The following CTNNA2 variants were observed in gnomAD, a reference collection of about 807,000 sequenced individuals.
The protein encoded by CTNNA2 is catenin alpha 2, also known as catenin alpha-2.
CTNNA2 carries 42 observed loss-of-function variants against 101.0 expected under a neutral mutation model. The observed-to-expected ratio is 0.42, with a 90% CI of 0.32 to 0.54. The LOEUF is 0.54. Ranked by LOEUF, CTNNA2 falls within the 20% of genes least tolerant of loss-of-function variation. CTNNA2 has a pLI of 0.14. For missense variants in CTNNA2, 871 were observed against 1,223.1 expected, an observed-to-expected ratio of 0.71 and a Z score of 4.29; for synonymous variants, 450 against 456.4, an observed-to-expected ratio of 0.99 and a Z score of 0.18.
chr2:80,311,757 A>G lies in CTNNA2; in HGVS notation c.1057-81454A>G, dbSNP rs536065576. Reference sequence around the variant, plus strand: ...CTGTTTCACTCTCATAAGAAATCTCAGTCTCACAATCTCAGTTGTAAGAAA... The same window carrying G: ...CTGTTTCACTCTCATAAGAAATCTCGGTCTCACAATCTCAGTTGTAAGAAA... On this transcript the variant is annotated intron_variant, in intron 7 of 18. Coordinates refer to ENST00000402739, the MANE Select transcript of CTNNA2 (RefSeq NM_001282597.3). Among the ~76,000 whole-genome samples, 4 of 152,392 alleles carry G rather than the reference A, an allele frequency of 2.6e-5. No individual in the cohort carries two copies. The South Asian group carries it at 8.3e-4, about 32-fold the overall frequency.
At chr2:79,626,652 TG>T (rs34583965) in intron 1 of CTNNA2, among the ~76,000 whole-genome samples, 4 of 147,480 alleles carry the variant, frequency 2.7e-5, no homozygotes, top group Non-Finnish European at 4.5e-5. Context: ...TGTGTGTGTG[TG>T]TGTCGAGTCC....
At chr2:80,175,427 A>G (rs575845656) in intron 7 of CTNNA2, among the ~76,000 whole-genome samples, 1 of 152,306 alleles carries the variant, frequency 6.6e-6, no homozygotes, top group Admixed American at 6.5e-5. Context: ...GTCTAGCCCA[A>G]TGCCTTTTAT....
At chr2:80,378,662 A>C (rs934820089) in intron 7 of CTNNA2, 37 of 152,202 alleles carry the variant, frequency 2.4e-4, no homozygotes, top group African/African-American at 8.7e-4. Context: ...AATTAGAAGC[A>C]ACAATAGTTC....
intron 7 of CTNNA2, among the ~76,000 whole-genome samples, chr2:80,230,218 C>A (rs1269088868): frequency 6.6e-6 from 1 of 150,482 alleles, no homozygotes; most frequent in East Asian, 1.9e-4. Context: ...CAATGCATGC[C>A]TGTATATATT....
intron 7 of CTNNA2, among the ~76,000 whole-genome samples, chr2:79,999,795 A>G (rs1692810050): frequency 6.6e-6 from 1 of 152,186 alleles, no homozygotes; most frequent in Non-Finnish European, 1.5e-5. Flanking sequence ...AGTAAGAGAG[A>G]TGGGCATTAA....
At chr2:79,391,993 A>T (rs1277157613) in intron 4 of CTNNA2, among the ~76,000 whole-genome samples, 1 of 151,982 alleles carries the variant, frequency 6.6e-6, no homozygotes, top group Non-Finnish European at 1.5e-5. Context: ...GTGTGTCCAG[A>T]TTTCTTCCTC....
At chr2:80,628,494 TAATA>T (rs1025312422) in intron 18 of CTNNA2, among the ~76,000 whole-genome samples, 9 of 151,434 alleles carry the variant, frequency 5.9e-5, no homozygotes, top group African/African-American at 9.7e-5. Context: ...CACTATTTAT[TAATA>T]AATAGTGTTG....
At chr2:79,762,743 A>G (rs1672880645) in intron 3 of CTNNA2, among the ~76,000 whole-genome samples, 1 of 152,144 alleles carries the variant, frequency 6.6e-6, no homozygotes, top group African/African-American at 2.4e-5. Flanking sequence ...CTGCTCTTTC[A>G]TGTTCATCTT....
At chr2:80,184,946 G>A (rs1241456084) in intron 7 of CTNNA2, among the ~76,000 whole-genome samples, 1 of 152,096 alleles carries the variant, frequency 6.6e-6, no homozygotes, top group African/African-American at 2.4e-5. Context: ...GTTTCCCATA[G>A]CATAGTTCTT....
chr2:79,432,700 A>G (rs1023433130), intron 4 of CTNNA2, among the ~76,000 whole-genome samples: 1 of 152,248 alleles, frequency 6.6e-6, no homozygotes, highest in African/African-American at 2.4e-5. Context: ...AGCTTTAGAG[A>G]TCTGTGAGTT....
intron 7 of CTNNA2, among the ~76,000 whole-genome samples, chr2:79,987,276 C>T (rs371127397): frequency 6.6e-6 from 1 of 152,196 alleles, no homozygotes; most frequent in East Asian, 1.9e-4. Flanking sequence ...GTGAGGATCA[C>T]ACTTCCCGTG....
chr2:79,896,199 C>T (rs2104247294), intron 6 of CTNNA2, among the ~76,000 whole-genome samples: 1 of 152,102 alleles, frequency 6.6e-6, no homozygotes, highest in East Asian at 1.9e-4. Context: ...AGAAGGATCA[C>T]TTGAGCCTGG....
At chr2:80,156,320 T>C (rs1004331253) in intron 7 of CTNNA2, among the ~76,000 whole-genome samples, 5 of 152,202 alleles carry the variant, frequency 3.3e-5, no homozygotes, top group Non-Finnish European at 7.4e-5. Flanking sequence ...ATATGATCGT[T>C]TTATGGTTTC....
chr2:80,270,108 ATTCGT>A (rs1436016067), intron 7 of CTNNA2, among the ~76,000 whole-genome samples: 1 of 152,206 alleles, frequency 6.6e-6, no homozygotes, highest in Non-Finnish European at 1.5e-5. Flanking sequence ...ATGAAGGTGA[ATTCGT>A]TCCGATGAGA....
chr2:80,196,199 C>CA (rs1020309977), intron 7 of CTNNA2, among the ~76,000 whole-genome samples: 3 of 152,088 alleles, frequency 2.0e-5, no homozygotes, highest in Non-Finnish European at 1.5e-5. Context: ...TAAAGCACAA[C>CA]AATCACCCTT....
chr2:79,420,583 C>A (rs572701712), intron 4 of CTNNA2, among the ~76,000 whole-genome samples: 1 of 152,194 alleles, frequency 6.6e-6, no homozygotes, highest in African/African-American at 2.4e-5. Context: ...AAGTTTATGT[C>A]TTGATTTGAT....
intron 7 of CTNNA2, among the ~76,000 whole-genome samples, chr2:80,056,542 C>G (rs527423412): frequency 2.6e-5 from 4 of 152,284 alleles, no homozygotes; most frequent in East Asian, 3.9e-4. Context: ...AGATAGGGAT[C>G]AAGCCTCAGC....
chr2:80,550,599 A>G (rs1025759994), intron 11 of CTNNA2, among the ~76,000 whole-genome samples: 4 of 152,218 alleles, frequency 2.6e-5, no homozygotes, highest in African/African-American at 9.6e-5. Context: ...CATTTCAACA[A>G]TGTTCACACT....
intron 2 of CTNNA2, among the ~76,000 whole-genome samples, chr2:79,666,876 C>T (rs2104560040): frequency 6.6e-6 from 1 of 152,208 alleles, no homozygotes; most frequent in Non-Finnish European, 1.5e-5. Context: ...CTGTCTTCTC[C>T]TGGAGACAGA....
Sources: allele counts gnomAD v4.1 joint callset (sites outside exome capture counted in the v4.1 genomes callset), GRCh38; gene constraint gnomAD v4.1.1; transcripts MANE v1.5; gene names NCBI Gene and HGNC (gene_info 2026-07-23, HGNC 2026-07-21).